Variants in SGCZ observed in about 807,000 individuals in gnomAD.
SGCZ encodes zeta-sarcoglycan.
In SGCZ, 40 loss-of-function variants were observed where a neutral mutation model predicts 41.3. The ratio of observed to expected loss-of-function variants is 0.97; its 90% CI spans 0.75 to 1.26. The LOEUF is 1.26. Among genes scored for constraint, SGCZ ranks in the 50% most tolerant of loss-of-function variants. The probability of loss-of-function intolerance (pLI) is 0.00; values close to 1 mark genes in which losing one functional copy is unlikely to be tolerated. For missense variants in SGCZ, 552 were observed against 369.8 expected (o/e 1.49, Z -4.04); for synonymous variants, 206 against 137.5 (o/e 1.50, Z -3.49).
intron 1 of SGCZ, among the ~76,000 whole-genome samples, chr8:15,036,833 A>C (rs1031407880): frequency 1.3e-5 from 2 of 152,146 alleles, no homozygotes; most frequent in African/African-American, 4.8e-5. Context: ...CATAGGTGCA[A>C]AAGTCCTCAA....
At chr8:14,289,431 A>T (rs989773445) in intron 3 of SGCZ, among the ~76,000 whole-genome samples, 1 of 152,096 alleles carries the variant, frequency 6.6e-6, no homozygotes, top group Non-Finnish European at 1.5e-5. Context: ...TAGATCCTTT[A>T]TGAGACAATT....
intron 2 of SGCZ, among the ~76,000 whole-genome samples, chr8:14,528,184 A>T (rs1257018816): frequency 6.6e-6 from 1 of 152,104 alleles, no homozygotes; most frequent in Admixed American, 6.6e-5. Context: ...ATTGATACCA[A>T]ATTATTTACT....
At chr8:14,474,732 T>C (rs1801310243) in intron 2 of SGCZ, among the ~76,000 whole-genome samples, 1 of 152,218 alleles carries the variant, frequency 6.6e-6, no homozygotes, top group Non-Finnish European at 1.5e-5. Flanking sequence ...AAATTTACTG[T>C]TAGATTTTGA....
chr8:14,687,556 G>GGT (rs1255697499), intron 1 of SGCZ, among the ~76,000 whole-genome samples: 1 of 151,638 alleles, frequency 6.6e-6, no homozygotes, highest in East Asian at 1.9e-4. Flanking sequence ...AGTATTCCAT[G>GGT]GTGTATATGT....
intron 2 of SGCZ, among the ~76,000 whole-genome samples, chr8:14,477,206 T>G (rs1801386625): frequency 6.6e-6 from 1 of 152,150 alleles, no homozygotes; most frequent in South Asian, 2.1e-4. Flanking sequence ...TTTATAAAAT[T>G]ATTCATATGA....
intron 1 of SGCZ, among the ~76,000 whole-genome samples, chr8:15,031,921 CT>C (rs1216124970): frequency 9.2e-5 from 14 of 151,582 alleles, no homozygotes; most frequent in Non-Finnish European, 1.5e-4. Context: ...CTCTCTCTCT[CT>C]CTCTCTCTCT....
At chr8:15,195,813 T>C (rs17575783) in intron 1 of SGCZ, among the ~76,000 whole-genome samples, 7,295 of 151,758 alleles carry the variant, frequency 0.048, 242 homozygotes, top group Middle Eastern at 0.068. Flanking sequence ...TGTATGTTTA[T>C]AGCAAATGAG....
chr8:14,517,792 C>T (rs34261057), intron 2 of SGCZ, among the ~76,000 whole-genome samples: 23,183 of 151,396 alleles, frequency 0.15, 2,024 homozygotes, highest in Admixed American at 0.21. Context: ...TTTTTGATAG[C>T]TTTTTTTGAA....
chr8:14,661,841 T>TAA (rs34935358), intron 1 of SGCZ, among the ~76,000 whole-genome samples: 29 of 150,562 alleles, frequency 1.9e-4, no homozygotes, highest in Middle Eastern at 3.4e-3. Context: ...CTCAAATTGT[T>TAA]AAAAAAAAAA....
intron 1 of SGCZ, among the ~76,000 whole-genome samples, chr8:14,877,369 G>A (rs1282893326): frequency 6.6e-6 from 1 of 152,104 alleles, no homozygotes; most frequent in East Asian, 1.9e-4. Context: ...TTAAAATAAT[G>A]TATATTTATA....
chr8:15,083,293 T>C (rs1805821793), intron 1 of SGCZ, among the ~76,000 whole-genome samples: 1 of 152,216 alleles, frequency 6.6e-6, no homozygotes, highest in Non-Finnish European at 1.5e-5. Context: ...AACCTTATAA[T>C]CAATGTAGAA....
intron 2 of SGCZ, among the ~76,000 whole-genome samples, chr8:14,406,555 T>A (rs978805767): frequency 6.6e-6 from 1 of 152,084 alleles, no homozygotes; most frequent in East Asian, 1.9e-4. Flanking sequence ...TGGCATCACA[T>A]TGAGCTAAGA....
chr8:14,206,418 G>C (rs1347806512), intron 4 of SGCZ, among the ~76,000 whole-genome samples: 1 of 152,080 alleles, frequency 6.6e-6, no homozygotes, highest in Non-Finnish European at 1.5e-5. Context: ...ACACACAATG[G>C]AGTACACACA....
chr8:14,448,678 G>C lies in SGCZ; in HGVS notation c.234+106054C>G, dbSNP rs147966485. On this transcript the variant is annotated intron_variant, in intron 2 of 7. Transcript: ENST00000382080. ...ATTCAAGTTTCCTCAGTTCATAAAT[G>C]TTCTTAGAATGTTTTCTTAGTATGT... Among the ~76,000 whole-genome samples the C allele has an allele frequency of 1.8e-3, 257 of 140,400 alleles. 1 individual carries two copies. Among genetic ancestry groups the C allele is most frequent in the African/African-American group, 6.9e-3 (248 of 36,174 alleles). The allele number at this position is 140,400 out of a possible 152,430, so 92.1% of individuals were successfully genotyped here.
chr8:15,007,745 A>C (rs1802656328), intron 1 of SGCZ, among the ~76,000 whole-genome samples: 1 of 152,258 alleles, frequency 6.6e-6, no homozygotes, highest in Non-Finnish European at 1.5e-5. Context: ...CATCAGGCTT[A>C]AGTATCACAT....
chr8:14,441,959 T>C (rs953015631), intron 2 of SGCZ, among the ~76,000 whole-genome samples: 1 of 152,250 alleles, frequency 6.6e-6, no homozygotes, highest in African/African-American at 2.4e-5. Context: ...AATTGTTCTA[T>C]GTAACCAGGC....
At chr8:14,415,376 G>C (rs1008348076) in intron 2 of SGCZ, among the ~76,000 whole-genome samples, 5 of 151,810 alleles carry the variant, frequency 3.3e-5, no homozygotes, top group African/African-American at 1.2e-4. Context: ...ATGAAGAAAA[G>C]ACACAGAAAT....
chr8:15,217,815 G>C lies in SGCZ; in HGVS notation c.39+19770C>G, dbSNP rs958724194. Among the ~76,000 whole-genome samples, 12 of 152,090 alleles carry C rather than the reference G, an allele frequency of 7.9e-5. 1 individual carries two copies. The highest frequency in any genetic ancestry group is 6.6e-4 in the Admixed American group (10 of 15,266). ...TAAGAAACTAGGGCTCTGGCTGTGC[G>C]TGGCATTCATGCCTATAATCCCAGC... On this transcript the variant is annotated intron_variant, in intron 1 of 7. Coordinates refer to ENST00000382080, the MANE Select transcript of SGCZ (RefSeq NM_139167.4).
chr8:14,817,205 G>A (rs116987056), intron 1 of SGCZ, among the ~76,000 whole-genome samples: 2,642 of 152,202 alleles, frequency 0.017, 43 homozygotes, highest in South Asian at 0.038. Context: ...CCAGGATAAC[G>A]CCATAGAGAG....
Sources: gnomAD v4.1 joint callset for allele counts (sites outside exome capture counted in the v4.1 genomes callset) on GRCh38, gnomAD v4.1.1 for gene constraint, MANE v1.5 for transcripts, NCBI Gene and HGNC (gene_info 2026-07-23, HGNC 2026-07-21) for gene names.